LRP2: variants seen among roughly 807,000 people sequenced by gnomAD.
LRP2 encodes low-density lipoprotein receptor-related protein 2.
Under a neutral mutation model 531.0 loss-of-function variants are expected in LRP2, and 172 were observed. The ratio of observed to expected loss-of-function variants is 0.32; its 90% CI spans 0.29 to 0.37. The LOEUF (loss-of-function observed/expected upper bound fraction) is 0.37, where lower values mean the gene tolerates loss of function less well. LRP2 is among the 10% of genes least tolerant of loss of function. The pLI is 1.00. For synonymous variants in LRP2, 1,992 were observed against 2,027.6 expected (o/e 0.98, Z 0.47); for missense variants, 5,167 against 5,868.3 (o/e 0.88, Z 3.90).
Position 169,185,528 on chromosome 2 carries a change from T to C in LRP2, c.9820A>G (p.Ser3274Gly). Residue 3274 changes from serine to glycine, a missense_variant, in exon 50 of 79, where the codon AGT becomes GGT. Transcript: ENST00000649046. ...CTGGAAACCCAGTCTACAGCCAGAC[T>C]TTCTGCAGCTGGTAGTCTGTGGTTT... ...IINHRLPAAE[S>G]LAVDWVSRKL... 1 of 1,613,730 alleles carries C rather than the reference T, an allele frequency of 6.2e-7. No individual in the cohort carries two copies.
At position 169,152,875 on chromosome 2, in the gene LRP2, T is replaced by C. The variant is rs1014040945; in HGVS notation, c.12385A>G (p.Asn4129Asp). 4.3e-5 allele frequency: 69 copies of C among 1,613,966 alleles called. No homozygotes were observed. Among genetic ancestry groups the C allele is most frequent in the Admixed American group, 8.3e-5 (5 of 59,990 alleles). The part of the protein sequence containing the change: ...YIPNFESGRN[N>D]LVQEVDLKLK... ...TTCAGGTCAACTTCCTGCACAAGAT[T>C]ATTGCGGCCGGATTCAAAGTTGGGG... Residue 4129 changes from asparagine (N) to aspartate (D), a missense_variant, in exon 67 of 79, where the codon AAT (asparagine) becomes GAT (aspartate). By Grantham distance (23) the Asn-to-Asp change is conservative. This residue lies in a region of LRP2 where 564 missense variants were observed against 747.7 expected (regional missense o/e 0.75). Coordinates refer to ENST00000649046, the MANE Select transcript of LRP2 (RefSeq NM_004525.3).
chr2:169,287,261 T>C (rs1014898424), intron 9 of LRP2, among the ~76,000 whole-genome samples: 1 of 152,220 alleles, frequency 6.6e-6, no homozygotes, highest in Non-Finnish European at 1.5e-5. Context: ...ATAACTTTTA[T>C]TTATAAAATG....
intron 55 of LRP2, among the ~76,000 whole-genome samples, 153 bp from the exon 56 acceptor site, chr2:169,174,317 ACTT>A (rs1242107280): frequency 6.6e-6 from 1 of 152,178 alleles, no homozygotes; most frequent in East Asian, 1.9e-4. Context: ...TACATGGAGC[ACTT>A]CTTCTTTTGA....
chr2:169,134,181 T>C (rs894890535), intron 76 of LRP2, among the ~76,000 whole-genome samples: 5 of 145,500 alleles, frequency 3.4e-5, no homozygotes, highest in African/African-American at 4.9e-5. Context: ...CTAGCCCTCA[T>C]GTCTGCGTGC....
chr2:169,133,680 G>A (rs1015792149), intron 76 of LRP2, among the ~76,000 whole-genome samples: 4 of 152,196 alleles, frequency 2.6e-5, no homozygotes, highest in African/African-American at 9.7e-5. Context: ...CAGTTGACAA[G>A]CAGTAAAAGT....
chr2:169,350,364 G>C (rs189561666), intron 1 of LRP2, among the ~76,000 whole-genome samples: 21 of 152,220 alleles, frequency 1.4e-4, no homozygotes, highest in Non-Finnish European at 2.5e-4. Flanking sequence ...TAGGGTAGTG[G>C]TCTGGATTAG....
intron 4 of LRP2, among the ~76,000 whole-genome samples, chr2:169,301,446 G>T (rs2892802): frequency 0.11 from 16,175 of 151,132 alleles, 975 homozygotes; most frequent in Non-Finnish European, 0.14. Flanking sequence ...AATATGAGAT[G>T]CCATTTTACA....
chr2:169,336,488 T>C (rs1263624631), intron 1 of LRP2, among the ~76,000 whole-genome samples: 1 of 151,710 alleles, frequency 6.6e-6, no homozygotes, highest in African/African-American at 2.4e-5. Context: ...TGCAGTGAGC[T>C]GAGATTGGAC....
chr2:169,337,710 G>C (rs145530095), intron 1 of LRP2, among the ~76,000 whole-genome samples: 63 of 152,304 alleles, frequency 4.1e-4, no homozygotes, highest in Middle Eastern at 3.4e-3. Flanking sequence ...GGAAACAAAA[G>C]ATTCATCCAT....
At chr2:169,208,748 C>A (rs10188487) in intron 38 of LRP2, among the ~76,000 whole-genome samples, 1 of 151,986 alleles carries the variant, frequency 6.6e-6, no homozygotes, top group Non-Finnish European at 1.5e-5. Flanking sequence ...TGAGCCACTG[C>A]GCCCTGCCTA....
Position 169,207,012 on chromosome 2 carries a change from T to G in LRP2, c.6708A>C (p.Pro2236=). 1 of 1,614,166 alleles carries G rather than the reference T, an allele frequency of 6.2e-7. No individual in the cohort carries two copies. Among genetic ancestry groups the G allele is most frequent in the Non-Finnish European group, 8.5e-7 (1 of 1,180,016 alleles). Residue 2236 remains proline (P), a synonymous_variant, in exon 39 of 79, where the codon CCA becomes CCC. Transcript: ENST00000649046. ...TVLVSEGIVT[P]RGLAVDRSDG... ...CACTTCGGTCCACTGCCAAGCCCCG[T>G]GGTGTGACAATGCCCTCTGACACAA...
chr2:169,302,244 T>G (rs1684303219), intron 4 of LRP2, among the ~76,000 whole-genome samples: 1 of 152,076 alleles, frequency 6.6e-6, no homozygotes, highest in South Asian at 2.1e-4. Context: ...AATGCAACAT[T>G]TAAAATAACT....
intron 77 of LRP2, among the ~76,000 whole-genome samples, chr2:169,131,485 T>C (rs1235011501): frequency 6.6e-6 from 1 of 152,162 alleles, no homozygotes; most frequent in East Asian, 1.9e-4. Flanking sequence ...GAAATAAAGA[T>C]TGTATAAAAT....
chr2:169,276,789 G>C (rs149256431), intron 13 of LRP2, among the ~76,000 whole-genome samples: 1 of 152,108 alleles, frequency 6.6e-6, no homozygotes, highest in Admixed American at 6.6e-5. Flanking sequence ...GTCAAAATTT[G>C]AAGAACATGT....
At position 169,216,349 on chromosome 2, in the gene LRP2, C is replaced by T; in HGVS notation, c.5730G>A (p.Val1910=). Residue 1910 remains valine (V), a synonymous_variant, in exon 35 of 79, where the codon GTG becomes GTA. Coordinates refer to ENST00000649046, the MANE Select transcript of LRP2 (RefSeq NM_004525.3). ...IASANMDGTS[V]KTLFTGNLEH... The stretch of plus-strand genomic sequence containing the variant: ...CGAGGTTCCCAGTAAAGAGAGTTTT[C>T]ACAGATGTGCCATCCATGTTAGCAC... 3 of 1,613,686 alleles carry T rather than the reference C, an allele frequency of 1.9e-6. No individual in the cohort carries two copies. Among genetic ancestry groups the T allele is most frequent in the Non-Finnish European group, 1.7e-6 (2 of 1,179,700 alleles).
chr2:169,333,276 C>T (rs1034023307), intron 1 of LRP2, among the ~76,000 whole-genome samples: 2 of 152,044 alleles, frequency 1.3e-5, no homozygotes, highest in South Asian at 2.1e-4. Flanking sequence ...TCTCCTGCCA[C>T]GACCTGGATA....
At chr2:169,326,156 C>T (rs1385416223) in intron 1 of LRP2, among the ~76,000 whole-genome samples, 1 of 70,756 alleles carries the variant, frequency 1.4e-5, no homozygotes, top group African/African-American at 7.7e-5. Context: ...CTCTCCCTCT[C>T]CCTCTCCCTC....
At chr2:169,144,237 T>C (rs1268080244) in intron 70 of LRP2, among the ~76,000 whole-genome samples, 1 of 152,206 alleles carries the variant, frequency 6.6e-6, no homozygotes, top group Non-Finnish European at 1.5e-5. Context: ...TTAGGCCACC[T>C]CAGGCATATT....
At chr2:169,246,670 AT>A (rs1301836755) in intron 21 of LRP2, 34 bp downstream of exon 21, 1 of 1,612,588 alleles carries the variant, frequency 6.2e-7, no homozygotes, top group East Asian at 2.2e-5. Flanking sequence ...TACTCTATTC[AT>A]CCCAGGAAAT....
Sources: gnomAD v4.1 joint callset for allele counts (sites outside exome capture counted in the v4.1 genomes callset) on GRCh38, gnomAD v4.1.1 for gene constraint, gnomAD v4.1.1 regional missense constraint, MANE v1.5 for transcripts, NCBI Gene and HGNC (gene_info 2026-07-23, HGNC 2026-07-21) for gene names.